Variants in CLCN1 observed in about 807,000 individuals in gnomAD.
The protein encoded by CLCN1 is chloride voltage-gated channel 1.
A neutral mutation model predicts 114.5 loss-of-function variants in CLCN1; 100 were observed. That is an observed-to-expected ratio of 0.87 (90% CI 0.74 to 1.03). The LOEUF (loss-of-function observed/expected upper bound fraction) is 1.03, where lower values mean the gene tolerates loss of function less well. CLCN1 is among the 50% of genes least tolerant of loss of function. CLCN1 has a pLI of 0.00. For synonymous variants in CLCN1, 485 were observed against 487.1 expected, an observed-to-expected ratio of 1.00 and a Z score of 0.06; for missense variants, 1,188 against 1,250.0, an observed-to-expected ratio of 0.95 and a Z score of 0.75.
chr7:143,345,989 G>A (rs1803232242), intron 17 of CLCN1, 151 bp from the exon 18 acceptor site: 1 of 786,950 alleles, frequency 1.3e-6, no homozygotes, highest in Non-Finnish European at 2.2e-6. Flanking sequence ...TGCAGATGAT[G>A]GTATCCTCGA....
chr7:143,342,205 A>G lies in CLCN1; in HGVS notation c.1796+63A>G, dbSNP rs973512138. 5 of 1,550,928 alleles carry G rather than the reference A, an allele frequency of 3.2e-6. No homozygotes were observed. The African/African-American group carries it at 6.8e-5, about 21-fold the overall frequency. On this transcript the variant is annotated intron_variant, in intron 15 of 22. Coordinates refer to ENST00000343257, the MANE Select transcript of CLCN1 (RefSeq NM_000083.3). Reference sequence around the variant, plus strand: ...GGGAGAGTGGGAGGTTCTGAGGCTGAGACTGAGCTTAGAGTTAAAGTTTGG... The same window carrying G: ...GGGAGAGTGGGAGGTTCTGAGGCTGGGACTGAGCTTAGAGTTAAAGTTTGG...
chr7:143,320,870 A>G (rs1016762500), intron 3 of CLCN1, 75 bp downstream of exon 3: 135 of 1,551,620 alleles, frequency 8.7e-5, no homozygotes, highest in Non-Finnish European at 1.2e-4. Context: ...GTGTTATCGG[A>G]AGCGAATGTT....
rs752153471 is a variant in CLCN1 at position 143,330,854 on chromosome 7, C to A, written c.936C>A (p.Ser312Arg). The change falls in exon 8 of 23, where the codon AGC becomes AGA. Residue 312 changes from serine to arginine, a missense_variant. Physicochemically the swap from Ser to Arg is moderately radical, Grantham distance 110. Coordinates refer to ENST00000343257, the MANE Select transcript of CLCN1 (RefSeq NM_000083.3). ...YWRGFFAATF[S>R]AFVFRVLAVW... ...GAGGATTCTTTGCAGCCACGTTCAGCGCCTTTGTGTTTCGAGTGCTGGCAG... is the reference window on the plus strand; with the variant it reads ...GAGGATTCTTTGCAGCCACGTTCAGAGCCTTTGTGTTTCGAGTGCTGGCAG... 2 of 1,614,072 alleles carry A rather than the reference C, an allele frequency of 1.2e-6. No homozygotes were observed. Among genetic ancestry groups the A allele is most frequent in the African/African-American group, 1.3e-5 (1 of 74,922 alleles).
Position 143,339,385 on chromosome 7 carries a change from A to T in CLCN1, c.1471+63A>T. ...TTGCAATCTAGGATACAGGAAACATAAGGAAAGGCCCGGGATGCTGGGAGT... is the reference window on the plus strand; with the variant it reads ...TTGCAATCTAGGATACAGGAAACATTAGGAAAGGCCCGGGATGCTGGGAGT... On this transcript the variant is annotated intron_variant, in intron 13 of 22. Transcript: ENST00000343257. This position sits in a 1 kb window ranked among gnomAD's most constrained non-coding sequence, Gnocchi z 4.1. 7.0e-7 allele frequency: 1 copy of T among 1,427,040 alleles called. No individual in the cohort carries two copies. Among genetic ancestry groups the T allele is most frequent in the Non-Finnish European group, 9.9e-7 (1 of 1,009,522 alleles). The allele number at this position is 1,427,040 out of a possible 1,614,324, so 88.4% of individuals were successfully genotyped here.
At chr7:143,351,248 C>G (rs1240503073) in intron 22 of CLCN1, among the ~76,000 whole-genome samples, 1 of 151,860 alleles carries the variant, frequency 6.6e-6, no homozygotes, top group Non-Finnish European at 1.5e-5. Context: ...GATGGGGGTT[C>G]CAGGCATGAG....
intron 7 of CLCN1, 47 bp from the exon 8 acceptor site, chr7:143,330,725 C>G: frequency 1.9e-6 from 3 of 1,612,854 alleles, no homozygotes; most frequent in Non-Finnish European, 2.5e-6. Flanking sequence ...TGTGGGGGAG[C>G]ACTTTCACTG....
In CLCN1 at chr7:143,316,409, G is replaced by C. The variant is rs771120010; in HGVS notation, c.180+17G>C. ...CCCACACAGGTAAAGTGCTCTAAGG[G>C]GAGAGGGGAGCCATGGATGAGGGGA... On this transcript the variant is annotated intron_variant, in intron 1 of 22. Transcript: ENST00000343257. 3 of 1,608,746 alleles carry C rather than the reference G, an allele frequency of 1.9e-6. No homozygotes were observed. In the South Asian group the frequency reaches 3.3e-5, roughly 18 times the overall value.
chr7:143,346,104 T>C (rs1803235129), intron 17 of CLCN1, 36 bp from the exon 18 acceptor site: 1 of 1,364,042 alleles, frequency 7.3e-7, no homozygotes, highest in Non-Finnish European at 1.1e-6. Flanking sequence ...AGGCAGTCTC[T>C]GCTCCCAGGC....
chr7:143,317,572 T>A (rs1372714964), intron 1 of CLCN1, among the ~76,000 whole-genome samples: 4 of 151,538 alleles, frequency 2.6e-5, no homozygotes, highest in Non-Finnish European at 5.9e-5. Context: ...AAGGCTTTTT[T>A]TTCTTTCTTT....
At chr7:143,340,029 C>T (rs1204914285) in intron 14 of CLCN1, among the ~76,000 whole-genome samples, 2 of 152,294 alleles carry the variant, frequency 1.3e-5, no homozygotes, top group South Asian at 2.1e-4. Context: ...AGCTAAGAAA[C>T]ATGGCTCTAG....
At position 143,350,839 on chromosome 7, in the gene CLCN1, G is replaced by A. The variant is rs984063103; in HGVS notation, c.2595+185G>A. On this transcript the variant is annotated intron_variant, in intron 22 of 22. Transcript: ENST00000343257. The surrounding 1 kb of genome is among the most constrained non-coding windows in gnomAD (Gnocchi z 5.1). ...GTCGCCCAGGCTGGAGTGCAGTGGC[G>A]TGATCTCAGCTCACTGCAACCTCCG... is the stretch of plus-strand genomic sequence containing the variant. 2.0e-5 allele frequency among the ~76,000 whole-genome samples: 3 copies of A among 150,982 alleles called. No homozygotes were observed. The highest frequency in any genetic ancestry group is 6.6e-5 in the Admixed American group (1 of 15,144).
chr7:143,318,765 A>G (rs1802353471), intron 1 of CLCN1, among the ~76,000 whole-genome samples: 2 of 152,166 alleles, frequency 1.3e-5, no homozygotes, highest in Non-Finnish European at 2.9e-5. Context: ...ACTGGGAAGT[A>G]TGTTCTCTCT....
Position 143,341,962 on chromosome 7 carries a change from C to T in CLCN1, c.1616C>T (p.Thr539Ile). ...AAALTGAVSH[T>I]VSTAVICFEL... ...GCGCTGACTGGTGCCGTTTCCCACA[C>T]AGTCTCCACAGCTGTGATTTGCTTC... The change falls in exon 15 of 23, where the codon ACA (threonine) becomes ATA (isoleucine). Residue 539 changes from threonine (T) to isoleucine (I), a missense_variant. Coordinates refer to ENST00000343257, the MANE Select transcript of CLCN1 (RefSeq NM_000083.3). 6.2e-7 allele frequency: 1 copy of T among 1,614,052 alleles called. No individual in the cohort carries two copies. The highest frequency in any genetic ancestry group is 8.5e-7 in the Non-Finnish European group (1 of 1,180,034).
At chr7:143,328,745 A>G (rs141138543) in intron 7 of CLCN1, among the ~76,000 whole-genome samples, 5 of 152,242 alleles carry the variant, frequency 3.3e-5, no homozygotes, top group African/African-American at 9.6e-5. Context: ...ACCTGATGTG[A>G]TGTGAAGAGC....
In CLCN1 at chr7:143,339,920, C is replaced by G. The variant is rs1803033742; in HGVS notation, c.1582+299C>G. Among the ~76,000 whole-genome samples, 1 of 152,150 alleles carries G rather than the reference C, an allele frequency of 6.6e-6. No individual in the cohort carries two copies. Among genetic ancestry groups the G allele is most frequent in the Admixed American group, 6.5e-5 (1 of 15,268 alleles). On this transcript the variant is annotated intron_variant, in intron 14 of 22. Transcript: ENST00000343257. The surrounding 1 kb of genome is among the most constrained non-coding windows in gnomAD (Gnocchi z 4.1). Reference sequence around the variant, plus strand: ...GGTTCTGTCTTTCCTTCCCAAGAATCATGGAACCAACAATGCAGGTGATTG... The same window carrying G: ...GGTTCTGTCTTTCCTTCCCAAGAATGATGGAACCAACAATGCAGGTGATTG...
chr7:143,322,021 A>G (rs1300686945), intron 5 of CLCN1, among the ~76,000 whole-genome samples, 173 bp downstream of exon 5: 2 of 152,264 alleles, frequency 1.3e-5, no homozygotes, highest in East Asian at 1.9e-4. Context: ...CTGAGGTCCA[A>G]TGACAAAAAC....
chr7:143,345,846 G>GGGCT, intron 17 of CLCN1, 84 bp downstream of exon 17: 4 of 1,536,100 alleles, frequency 2.6e-6, no homozygotes, highest in South Asian at 1.2e-5. Context: ...GGGCTGGGCT[G>GGGCT]GGACAGGCGT....
chr7:143,350,133 A>AG lies in CLCN1; in HGVS notation c.2404-235dup. 6.7e-6 allele frequency among the ~76,000 whole-genome samples: 1 copy of AG among 149,684 alleles called. No homozygotes were observed. Among genetic ancestry groups the AG allele is most frequent in the East Asian group, 2.0e-4 (1 of 5,052 alleles). On this transcript the variant is annotated intron_variant, in intron 20 of 22. Coordinates refer to ENST00000343257, the MANE Select transcript of CLCN1 (RefSeq NM_000083.3). The surrounding 1 kb of genome is among the most constrained non-coding windows in gnomAD (Gnocchi z 5.1). ...AGGAGAGTTGGAGCCTAGAAGAGGG[A>AG]GGGGTGTTCTGGGTACCTGGGGGTT...
chr7:143,320,195 G>A (rs2116835286), intron 2 of CLCN1, among the ~76,000 whole-genome samples: 1 of 152,264 alleles, frequency 6.6e-6, no homozygotes, highest in African/African-American at 2.4e-5. Context: ...GGCTGGTCTT[G>A]AACTCCTGGC....
Sources: allele counts gnomAD v4.1 joint callset (sites outside exome capture counted in the v4.1 genomes callset), GRCh38; gene constraint gnomAD v4.1.1; non-coding constraint Gnocchi (gnomAD v3.1); transcripts MANE v1.5; gene names NCBI Gene and HGNC (gene_info 2026-07-23, HGNC 2026-07-21).